TRIO: variants seen among roughly 807,000 people sequenced by gnomAD.
The protein encoded by TRIO is trio Rho guanine nucleotide exchange factor.
A neutral mutation model predicts 351.9 loss-of-function variants in TRIO; 58 were observed. The ratio of observed to expected loss-of-function variants is 0.16; its 90% confidence interval spans 0.13 to 0.21. The LOEUF is 0.21. TRIO is among the 10% of genes least tolerant of loss of function. The probability of loss-of-function intolerance (pLI) is 1.00; values close to 1 mark genes in which losing one functional copy is unlikely to be tolerated. For synonymous variants in TRIO, 1,758 were observed against 1,595.7 expected, an observed-to-expected ratio of 1.10 and a Z score of -2.42; for missense variants, 3,201 against 4,027.8, an observed-to-expected ratio of 0.79 and a Z score of 5.56.
chr5:14,502,563 G>GCTGTTCTTCTTGCAGGTC lies in TRIO; in HGVS notation c.8333-14_8336dup. The stretch of plus-strand genomic sequence containing the variant: ...CCACGGGAAACAAGCTCAGGCAGGT[G>GCTGTTCTTCTTGCAGGTC]CTGTTCTTCTTGCAGGTCCAGGGAT... On this transcript the variant is annotated splice_polypyrimidine_tract_variant and intron_variant, in intron 53 of 56. Coordinates refer to ENST00000344204, the MANE Select transcript of TRIO (RefSeq NM_007118.4). The GCTGTTCTTCTTGCAGGTC allele has an allele frequency of 1.9e-6, 3 of 1,613,938 alleles. No homozygotes were observed. The highest frequency in any genetic ancestry group is 2.5e-6 in the Non-Finnish European group (3 of 1,179,856).
chr5:14,419,945 C>T lies in TRIO; in HGVS notation c.5127C>T (p.Gly1709=). The change falls in exon 34 of 57, where the codon GGC becomes GGT. Residue 1709 remains glycine, a synonymous_variant. Coordinates refer to ENST00000344204, the MANE Select transcript of TRIO (RefSeq NM_007118.4). Reference sequence around the variant, plus strand: ...CTGACCGCTCCCCAGCGGCAGAAGGCCTGGTCCCCTGTGGTTCACTGTGCA... The same window carrying T: ...CTGACCGCTCCCCAGCGGCAGAAGGTCTGGTCCCCTGTGGTTCACTGTGCA... The part of the protein sequence containing the change: ...RTTDRSPAAE[G]LVPCGSLCIA... 6.2e-7 allele frequency: 1 copy of T among 1,614,210 alleles called. No individual in the cohort carries two copies. Among genetic ancestry groups the T allele is most frequent in the Non-Finnish European group, 8.5e-7 (1 of 1,180,016 alleles).
At chr5:14,488,582 AT>A (rs1213021987) in intron 48 of TRIO, 1 of 496,920 alleles carries the variant, frequency 2.0e-6, no homozygotes, top group African/African-American at 1.9e-5. Context: ...TCACGCACCT[AT>A]TTTTTGGAGG....
intron 34 of TRIO, among the ~76,000 whole-genome samples, chr5:14,430,199 T>C (rs1237377579): frequency 2.4e-4 from 34 of 140,686 alleles, no homozygotes; most frequent in Non-Finnish European, 4.8e-4. Context: ...TTTTTTTTAA[T>C]TTTTTTACCC....
rs764670811 is a variant in TRIO, at chr5:14,492,623, G to A, written c.7689G>A (p.Thr2563=). 5.6e-6 allele frequency: 9 copies of A among 1,614,132 alleles called. No homozygotes were observed. The East Asian group carries it at 6.7e-5, about 12-fold the overall frequency. Residue 2563 remains threonine (T), a synonymous_variant, in exon 49 of 57, where the codon ACG becomes ACA. Transcript: ENST00000344204. The stretch of plus-strand genomic sequence containing the variant: ...CCATGTTGGTGACACACGATTACAC[G>A]GCAGTGAAGGAGGATGAGATCAACG... ...ISTMLVTHDY[T]AVKEDEINVY...
intron 11 of TRIO, among the ~76,000 whole-genome samples, chr5:14,356,564 G>A (rs1051795669): frequency 6.6e-5 from 10 of 152,166 alleles, no homozygotes; most frequent in Admixed American, 4.6e-4. Flanking sequence ...GAAAAGCTTG[G>A]CAGTTTCTTA....
intron 9 of TRIO, among the ~76,000 whole-genome samples, chr5:14,324,442 A>G (rs75597917): frequency 0.037 from 5,569 of 152,238 alleles, 310 homozygotes; most frequent in African/African-American, 0.13. Context: ...ATGATTATCT[A>G]TTTTCTCTGT....
intron 11 of TRIO, among the ~76,000 whole-genome samples, chr5:14,356,148 C>T (rs1743592599): frequency 6.6e-6 from 1 of 152,024 alleles, no homozygotes; most frequent in Non-Finnish European, 1.5e-5. Flanking sequence ...TTAAAATTGG[C>T]CTGCTATATT....
intron 1 of TRIO, among the ~76,000 whole-genome samples, chr5:14,182,775 A>T (rs111493373): frequency 6.6e-6 from 1 of 151,870 alleles, no homozygotes; most frequent in Non-Finnish European, 1.5e-5. Flanking sequence ...CTCCCTAGGT[A>T]TGAATTTGGA....
chr5:14,477,245 A>G, intron 41 of TRIO: 1 of 297,220 alleles, frequency 3.4e-6, no homozygotes, highest in Non-Finnish European at 6.2e-6. Flanking sequence ...GTGTCTGTGA[A>G]CAGGCAGGTA....
chr5:14,411,434 G>A (rs892488489), intron 33 of TRIO, among the ~76,000 whole-genome samples: 4 of 152,338 alleles, frequency 2.6e-5, no homozygotes, highest in South Asian at 2.1e-4. Context: ...AAGCCGGCCC[G>A]AGCCAGCAGG....
intron 11 of TRIO, among the ~76,000 whole-genome samples, chr5:14,349,267 C>A (rs1157717167): frequency 1.7e-5 from 2 of 117,430 alleles, no homozygotes; most frequent in African/African-American, 6.7e-5. Context: ...ATGTGTTTTT[C>A]CTGTGTGTAT....
chr5:14,509,820 T>C lies in TRIO; in HGVS notation c.*1398T>C. ...GAAGTTTTCTGGATGTCTTTTTATC[T>C]TTCTCGTGTGAACTGCACTACAAAA... On this transcript the variant is annotated 3_prime_UTR_variant, in exon 57 of 57. Transcript: ENST00000344204. The C allele has an allele frequency of 5.4e-6, 1 of 186,230 alleles. No individual in the cohort carries two copies. Among genetic ancestry groups the C allele is most frequent in the Non-Finnish European group, 1.1e-5 (1 of 89,652 alleles). The allele number at this position is 186,230 out of a possible 1,614,324, so 11.5% of individuals were successfully genotyped here.
intron 1 of TRIO, among the ~76,000 whole-genome samples, chr5:14,195,013 A>G: frequency 6.8e-6 from 1 of 147,784 alleles, no homozygotes; most frequent in East Asian, 2.0e-4. Context: ...ATTTCAGTGT[A>G]TTTTTTTTTT....
chr5:14,232,078 C>T (rs1185450343), intron 1 of TRIO, among the ~76,000 whole-genome samples: 6 of 152,038 alleles, frequency 3.9e-5, no homozygotes, highest in Non-Finnish European at 8.8e-5. Flanking sequence ...TTATGACAGC[C>T]CATGGAGGGT....
intron 34 of TRIO, among the ~76,000 whole-genome samples, chr5:14,421,341 C>T (rs900226957): frequency 5.3e-5 from 8 of 150,056 alleles, no homozygotes; most frequent in African/African-American, 1.7e-4. Context: ...CGGTGACTCA[C>T]GCCTCTAATC....
rs1453149700 is a variant in TRIO at position 14,437,695 on chromosome 5, G to GCC, written c.5203+17677_5203+17678dup. 4.8e-5 allele frequency among the ~76,000 whole-genome samples: 5 copies of GCC among 103,662 alleles called. No homozygotes were observed. In the South Asian group the frequency reaches 1.6e-3, roughly 33 times the overall value. The allele number at this position is 103,662 out of a possible 152,430, so 68.0% of individuals were successfully genotyped here. Reference sequence around the variant, plus strand: ...ATATTGGATGAGGACCACCCCCCCCGCCCCAAGGACCTCATTTTAACTCTT... The same window carrying GCC: ...ATATTGGATGAGGACCACCCCCCCCGCCCCCCAAGGACCTCATTTTAACTCTT... On this transcript the variant is annotated intron_variant, in intron 34 of 56. Coordinates refer to ENST00000344204, the MANE Select transcript of TRIO (RefSeq NM_007118.4).
chr5:14,263,381 G>A (rs1581476707), intron 1 of TRIO, among the ~76,000 whole-genome samples: 2 of 151,904 alleles, frequency 1.3e-5, no homozygotes, highest in East Asian at 3.9e-4. Flanking sequence ...TAATCAAAAA[G>A]ACAATAGAGG....
Position 14,308,454 on chromosome 5 carries a change from C to T in TRIO, c.1500+3862C>T, listed in dbSNP as rs530782305. ...CATCCATCCCTCTATTTATCCAATC[C>T]CCATCCATTATTCCATCCAACCAAT... On this transcript the variant is annotated intron_variant, in intron 8 of 56. Transcript: ENST00000344204. Among the ~76,000 whole-genome samples, 12 of 146,272 alleles carry T rather than the reference C, an allele frequency of 8.2e-5. No homozygotes were observed. In the East Asian group the frequency reaches 1.9e-3, roughly 23 times the overall value.
intron 4 of TRIO, among the ~76,000 whole-genome samples, chr5:14,287,904 A>G (rs890805399): frequency 6.6e-6 from 1 of 152,246 alleles, no homozygotes; most frequent in Non-Finnish European, 1.5e-5. Context: ...AACAGCAATA[A>G]TATTAAACAT....
Sources: allele counts gnomAD v4.1 joint callset (sites outside exome capture counted in the v4.1 genomes callset), GRCh38; gene constraint gnomAD v4.1.1; transcripts MANE v1.5; gene names NCBI Gene and HGNC (gene_info 2026-07-23, HGNC 2026-07-21).